FRMPD1: variants seen among roughly 807,000 people sequenced by gnomAD.
FRMPD1 encodes the protein FERM and PDZ domain-containing protein 1.
FRMPD1 carries 76 observed loss-of-function variants against 117.8 expected under a neutral mutation model. The ratio of observed to expected loss-of-function variants is 0.65; its 90% CI spans 0.54 to 0.78. The LOEUF (loss-of-function observed/expected upper bound fraction) is 0.78, where lower values mean the gene tolerates loss of function less well. Ranked by LOEUF, FRMPD1 falls within the 30% of genes least tolerant of loss-of-function variation. The pLI is 0.00. For synonymous variants in FRMPD1, 783 were observed against 770.4 expected, an observed-to-expected ratio of 1.02 and a Z score of -0.27; for missense variants, 1,786 against 1,964.5, an observed-to-expected ratio of 0.91 and a Z score of 1.72.
In FRMPD1 at chr9:37,737,193, T is replaced by A; in HGVS notation, c.1499T>A (p.Phe500Tyr). Residue 500 changes from phenylalanine to tyrosine, a missense_variant, in exon 14 of 16, where the codon TTC (phenylalanine) becomes TAC (tyrosine). Physicochemically the swap from Phe to Tyr is conservative, Grantham distance 22. Transcript: ENST00000377765. ...TTGGTTGACCCAGTTACCTCCATTTTCCTCTGGCCTGGAAACAAACAACAA... is the reference window on the plus strand; with the variant it reads ...TTGGTTGACCCAGTTACCTCCATTTACCTCTGGCCTGGAAACAAACAACAA... ...RLLVDPVTSI[F>Y]LWPGNKQQAH... is the part of the protein sequence containing the mutation. 1.9e-6 allele frequency: 3 copies of A among 1,614,102 alleles called. No homozygotes were observed. Among genetic ancestry groups the A allele is most frequent in the Non-Finnish European group, 2.5e-6 (3 of 1,179,994 alleles).
At chr9:37,660,653 C>A (rs1046156328) in intron 1 of FRMPD1, among the ~76,000 whole-genome samples, 1 of 152,202 alleles carries the variant, frequency 6.6e-6, no homozygotes, top group Non-Finnish European at 1.5e-5. Flanking sequence ...CAAAATATCC[C>A]CACATCAAAA....
At chr9:37,649,111 T>TG (rs923055838), upstream of FRMPD1, among the ~76,000 whole-genome samples, 1 of 152,152 alleles carries the variant, frequency 6.6e-6, no homozygotes, top group African/African-American at 2.4e-5. Flanking sequence ...CAAAATTCCA[T>TG]GGGGAACATT....
chr9:37,637,143 C>G, the FRMPD1 span: 1 of 1,609,318 alleles, frequency 6.2e-7, no homozygotes, highest in Non-Finnish European at 8.5e-7. Context: ...CCATCCAGCT[C>G]GATGGTTTGG....
the FRMPD1 span, among the ~76,000 whole-genome samples, chr9:37,645,532 A>G: frequency 2.2e-3 from 328 of 152,284 alleles, 1 homozygote; most frequent in African/African-American, 7.5e-3. Flanking sequence ...GTAAAAATAG[A>G]TCATCTTTGA....
the FRMPD1 span, among the ~76,000 whole-genome samples, chr9:37,625,483 G>C: frequency 6.6e-6 from 1 of 152,214 alleles, no homozygotes; most frequent in Non-Finnish European, 1.5e-5. Flanking sequence ...AGGTGGACGC[G>C]CAGGAGTGTT....
intron 7 of FRMPD1, among the ~76,000 whole-genome samples, chr9:37,727,731 G>A (rs933794192): frequency 7.0e-6 from 1 of 143,386 alleles, no homozygotes; most frequent in Non-Finnish European, 1.6e-5. Flanking sequence ...CAAGTGGAGA[G>A]AGGGCTCCGA....
At chr9:37,670,069 C>G (rs925789482) in intron 1 of FRMPD1, 2 of 150,618 alleles carry the variant, frequency 1.3e-5, no homozygotes, top group Admixed American at 6.6e-5. Context: ...TAGAAAAAAA[C>G]GTCTCAACCA....
At chr9:37,711,467 T>C in intron 5 of FRMPD1, 72 bp downstream of exon 5, 1 of 1,155,414 alleles carries the variant, frequency 8.7e-7, no homozygotes, top group Non-Finnish European at 1.3e-6. Context: ...CCCCAGAGGA[T>C]ATCCCTCATA....
At chr9:37,703,512 A>G (rs1037991224) in intron 2 of FRMPD1, among the ~76,000 whole-genome samples, 1 of 152,120 alleles carries the variant, frequency 6.6e-6, no homozygotes, top group Non-Finnish European at 1.5e-5. Context: ...TTTTAAATTT[A>G]CTTATTTTCA....
chr9:37,638,403 G>T, the FRMPD1 span, among the ~76,000 whole-genome samples: 4 of 152,112 alleles, frequency 2.6e-5, no homozygotes, highest in Non-Finnish European at 5.9e-5. Context: ...AAGGACTTGC[G>T]TTATGGGTAG....
At position 37,729,722 on chromosome 9, in the gene FRMPD1, T is replaced by G. The variant is rs192314244; in HGVS notation, c.613-6T>G. On this transcript the variant is annotated splice_polypyrimidine_tract_variant and splice_region_variant and intron_variant, in intron 7 of 15. Transcript: ENST00000377765. ...CGTAACTCCTGCACCTCTCTGTGCC[T>G]GCTAGGACATCATCCTCACCGTGAA... The G allele has an allele frequency of 1.8e-3, 2,870 of 1,613,688 alleles. 10 individuals are homozygous for G. Among genetic ancestry groups the G allele is most frequent in the Non-Finnish European group, 1.4e-3 (1,684 of 1,179,794 alleles).
chr9:37,731,077 G>A lies in FRMPD1; in HGVS notation c.832G>A (p.Val278Met), dbSNP rs550566906. 5.5e-5 allele frequency: 89 copies of A among 1,613,596 alleles called. No homozygotes were observed. Among genetic ancestry groups the A allele is most frequent in the South Asian group, 3.2e-4 (29 of 91,082 alleles). ...DPLDLLKEDPVAFEYLYLQSC... is the reference protein window; with the variant it reads ...DPLDLLKEDPMAFEYLYLQSC... ...CCTGGACCTCCTGAAAGAAGACCCCGTGGCCTTTGAATACCTCTATCTGCA... is the reference window on the plus strand; with the variant it reads ...CCTGGACCTCCTGAAAGAAGACCCCATGGCCTTTGAATACCTCTATCTGCA... The change falls in exon 9 of 16, where the codon GTG becomes ATG. Residue 278 changes from valine to methionine, a missense_variant. Transcript: ENST00000377765.
At chr9:37,672,719 T>C (rs1160400149) in intron 1 of FRMPD1, among the ~76,000 whole-genome samples, 1 of 152,072 alleles carries the variant, frequency 6.6e-6, no homozygotes, top group Non-Finnish European at 1.5e-5. Context: ...GAGGTTTAAT[T>C]GGACTTACAG....
the FRMPD1 span, among the ~76,000 whole-genome samples, chr9:37,626,785 C>T: frequency 6.6e-6 from 1 of 151,666 alleles, no homozygotes; most frequent in South Asian, 2.1e-4. Flanking sequence ...AGAGCCCTGT[C>T]TCAGAGAGAG....
intron 7 of FRMPD1, among the ~76,000 whole-genome samples, chr9:37,729,382 C>CA (rs60967717): frequency 0.077 from 4,217 of 54,698 alleles, 754 homozygotes; most frequent in Non-Finnish European, 0.095. Flanking sequence ...GAGACCCTCT[C>CA]AAAAAAAAAA....
chr9:37,721,591 GA>G (rs904102813), intron 6 of FRMPD1, among the ~76,000 whole-genome samples: 1 of 151,402 alleles, frequency 6.6e-6, no homozygotes, highest in African/African-American at 2.4e-5. Flanking sequence ...TTTTTGAGTG[GA>G]AAAAAAACAA....
chr9:37,733,334 A>G, intron 10 of FRMPD1, 139 bp from the exon 11 acceptor site: 1 of 795,490 alleles, frequency 1.3e-6, no homozygotes, highest in Non-Finnish European at 2.1e-6. Flanking sequence ...TGTGAGAAAG[A>G]AAAAGAGAGG....
chr9:37,633,901 GT>G, the FRMPD1 span, among the ~76,000 whole-genome samples: 3 of 152,212 alleles, frequency 2.0e-5, no homozygotes, highest in East Asian at 5.8e-4. Flanking sequence ...CTGATTTGGA[GT>G]TTATTTCTGT....
intron 1 of FRMPD1, among the ~76,000 whole-genome samples, chr9:37,663,007 C>T (rs1023038629): frequency 6.6e-6 from 1 of 152,174 alleles, no homozygotes. Flanking sequence ...CAGTTAGATG[C>T]GTACAACCTG....
Sources: gnomAD v4.1 joint callset for allele counts (sites outside exome capture counted in the v4.1 genomes callset) on GRCh38, gnomAD v4.1.1 for gene constraint, MANE v1.5 for transcripts, NCBI Gene and HGNC (gene_info 2026-07-23, HGNC 2026-07-21) for gene names.